The following KDM4C variants were observed in gnomAD, a reference collection of about 807,000 sequenced individuals.
The protein encoded by KDM4C is lysine-specific demethylase 4C.
In KDM4C, 81 loss-of-function variants were observed where a neutral mutation model predicts 129.3. The observed-to-expected ratio is 0.63, with a 90% CI of 0.52 to 0.75. KDM4C has a LOEUF of 0.75. Among genes scored for constraint, KDM4C ranks in the 30% least tolerant of loss-of-function variants. The pLI is 0.00. For synonymous variants in KDM4C, 573 were observed against 456.1 expected (o/e 1.26, Z -3.26); for missense variants, 1,457 against 1,304.0 (o/e 1.12, Z -1.81).
intron 1 of KDM4C, among the ~76,000 whole-genome samples, chr9:6,780,250 A>G (rs1369249507): frequency 1.3e-5 from 2 of 152,104 alleles, no homozygotes; most frequent in Non-Finnish European, 2.9e-5. Context: ...TTAGCTGTGA[A>G]TACAGCGGTG....
At chr9:6,856,146 C>T (rs1256806652) in intron 5 of KDM4C, among the ~76,000 whole-genome samples, 1 of 150,646 alleles carries the variant, frequency 6.6e-6, no homozygotes, top group Non-Finnish European at 1.5e-5. Flanking sequence ...AACAGTCTTA[C>T]TGAAGGAACT....
At chr9:6,989,205 A>G (rs754747558) in intron 11 of KDM4C, among the ~76,000 whole-genome samples, 1 of 152,184 alleles carries the variant, frequency 6.6e-6, no homozygotes, top group African/African-American at 2.4e-5. Context: ...CTTTGATTAC[A>G]ATGGTCTTAC....
chr9:6,806,611 G>T (rs1034653471), intron 3 of KDM4C, among the ~76,000 whole-genome samples: 3 of 151,920 alleles, frequency 2.0e-5, no homozygotes, highest in Non-Finnish European at 2.9e-5. Context: ...TCTGCCTCAG[G>T]GTCTCATGAG....
intron 8 of KDM4C, among the ~76,000 whole-genome samples, chr9:6,971,961 A>T (rs2821441): frequency 1.1e-4 from 17 of 152,018 alleles, no homozygotes; most frequent in African/African-American, 4.1e-4. Context: ...ATACTATGTA[A>T]TGATGACAGA....
intron 19 of KDM4C, among the ~76,000 whole-genome samples, chr9:7,162,967 G>A (rs902508640): frequency 2.6e-5 from 4 of 152,122 alleles, no homozygotes; most frequent in Non-Finnish European, 4.4e-5. Context: ...AGCAGATATT[G>A]AGGAGTGTGG....
chr9:7,015,855 T>G lies in KDM4C; in HGVS notation c.2185T>G (p.Cys729Gly). ...GGATACATACTATTATTTTATAGGT[T>G]GTTATGGTATTCCTTCTCATGAGAT... is the stretch of plus-strand genomic sequence containing the variant. ...AKCCVRVHAS[C>G]YGIPSHEICD... Residue 729 changes from cysteine (C) to glycine (G), a missense_variant and splice_region_variant, in exon 15 of 22, where the codon TGT becomes GGT. Physicochemically the swap from Cys to Gly is radical, Grantham distance 159 (BLOSUM62 -3). Transcript: ENST00000381309. 1 of 1,608,306 alleles carries G rather than the reference T, an allele frequency of 6.2e-7. No individual in the cohort carries two copies. The highest frequency in any genetic ancestry group is 8.5e-7 in the Non-Finnish European group (1 of 1,174,940).
At chr9:7,016,991 A>C (rs1333497842) in intron 15 of KDM4C, among the ~76,000 whole-genome samples, 1 of 152,054 alleles carries the variant, frequency 6.6e-6, no homozygotes, top group African/African-American at 2.4e-5. Context: ...ACTGGAGTGC[A>C]GTGGTGCAAT....
At chr9:7,053,911 A>C (rs1587292354) in intron 17 of KDM4C, among the ~76,000 whole-genome samples, 1 of 152,362 alleles carries the variant, frequency 6.6e-6, no homozygotes, top group East Asian at 1.9e-4. Context: ...GAATGGGCTA[A>C]AGACTTCATA....
chr9:7,153,908 G>C (rs1842929241), intron 19 of KDM4C, among the ~76,000 whole-genome samples: 1 of 152,234 alleles, frequency 6.6e-6, no homozygotes, highest in African/African-American at 2.4e-5. Context: ...CTTATGTGGT[G>C]AGACTGGACC....
intron 2 of KDM4C, 33 bp downstream of exon 2, chr9:6,793,165 A>C (rs1827043434): frequency 2.5e-6 from 4 of 1,597,290 alleles, no homozygotes; most frequent in Non-Finnish European, 3.4e-6. Context: ...AATGAAAAAC[A>C]ATCACTTGGC....
chr9:6,969,067 C>T (rs914320666), intron 8 of KDM4C, among the ~76,000 whole-genome samples: 1 of 151,996 alleles, frequency 6.6e-6, no homozygotes, highest in Admixed American at 6.6e-5. Context: ...TTCTGAGTAC[C>T]TGGGACCACA....
In KDM4C at chr9:7,017,799, A is replaced by G. The variant is rs192618180; in HGVS notation, c.2259+1870A>G. 6.6e-5 allele frequency among the ~76,000 whole-genome samples: 10 copies of G among 152,332 alleles called. No individual in the cohort carries two copies. The East Asian group carries it at 1.9e-3, about 29-fold the overall frequency. On this transcript the variant is annotated intron_variant, in intron 15 of 21. Coordinates refer to ENST00000381309, the MANE Select transcript of KDM4C (RefSeq NM_015061.6). ...CTTGCAACTGAAGTTAAAAACCTGAATGACAATATAAAGAATACGCCTTAT... is the reference window on the plus strand; with the variant it reads ...CTTGCAACTGAAGTTAAAAACCTGAGTGACAATATAAAGAATACGCCTTAT...
intron 4 of KDM4C, among the ~76,000 whole-genome samples, chr9:6,839,914 A>T (rs1836604277): frequency 6.7e-6 from 1 of 148,956 alleles, no homozygotes. Flanking sequence ...AAAAAATAAA[A>T]AGCTTCACAT....
At chr9:6,995,917 C>G (rs1356574256) in intron 12 of KDM4C, among the ~76,000 whole-genome samples, 3 of 152,200 alleles carry the variant, frequency 2.0e-5, no homozygotes, top group East Asian at 1.9e-4. Context: ...ATCTGCCCAC[C>G]TCGGCCTCCC....
intron 12 of KDM4C, among the ~76,000 whole-genome samples, chr9:7,000,505 T>A (rs1334390494): frequency 6.6e-6 from 1 of 152,212 alleles, no homozygotes; most frequent in East Asian, 1.9e-4. Flanking sequence ...TAAAATTAAC[T>A]TATAAATAAA....
chr9:7,061,131 C>T (rs760198474), intron 17 of KDM4C, among the ~76,000 whole-genome samples: 2 of 152,186 alleles, frequency 1.3e-5, no homozygotes, highest in East Asian at 1.9e-4. Context: ...CAATTTGCTT[C>T]GGTCAGTTGC....
chr9:6,753,000 C>T (rs1818125339), upstream of KDM4C, among the ~76,000 whole-genome samples: 1 of 152,134 alleles, frequency 6.6e-6, no homozygotes, highest in African/African-American at 2.4e-5. Context: ...CACCCTAGTT[C>T]CAGGGGACCA....
intron 18 of KDM4C, among the ~76,000 whole-genome samples, chr9:7,108,283 C>G (rs1837924975): frequency 6.6e-6 from 1 of 152,068 alleles, no homozygotes; most frequent in Non-Finnish European, 1.5e-5. Context: ...GTTACCCAGG[C>G]TGGAGCGCAG....
chr9:7,001,827 T>C (rs560234764), intron 12 of KDM4C, among the ~76,000 whole-genome samples: 10 of 152,258 alleles, frequency 6.6e-5, no homozygotes, highest in African/African-American at 2.4e-4. Flanking sequence ...TTGCCATCTT[T>C]TGACTTTGTA....
Sources: allele counts gnomAD v4.1 joint callset (sites outside exome capture counted in the v4.1 genomes callset), GRCh38; gene constraint gnomAD v4.1.1; transcripts MANE v1.5; gene names NCBI Gene and HGNC (gene_info 2026-07-23, HGNC 2026-07-21).